The following NKAIN2 variants were observed in gnomAD, a reference collection of about 807,000 sequenced individuals.
NKAIN2 encodes sodium/potassium transporting ATPase interacting 2, also known as sodium/potassium-transporting ATPase subunit beta-1-interacting protein 2.
NKAIN2 carries 14 observed loss-of-function variants against 32.6 expected under a neutral mutation model. The observed-to-expected ratio is 0.43, with a 90% CI of 0.28 to 0.67. The LOEUF (loss-of-function observed/expected upper bound fraction) is 0.67. Ranked by LOEUF, NKAIN2 falls within the 30% of genes least tolerant of loss-of-function variation. NKAIN2 has a pLI of 0.17. For missense variants in NKAIN2, 198 were observed against 258.3 expected, an observed-to-expected ratio of 0.77 and a Z score of 1.60; for synonymous variants, 80 against 87.2, an observed-to-expected ratio of 0.92 and a Z score of 0.46.
chr6:124,450,811 C>T (rs529018795), intron 3 of NKAIN2, among the ~76,000 whole-genome samples: 2 of 152,026 alleles, frequency 1.3e-5, no homozygotes, highest in South Asian at 4.1e-4. Context: ...CAAATAACTA[C>T]ATTTCCACTC....
At chr6:124,135,714 A>C (rs2114294287) in intron 1 of NKAIN2, among the ~76,000 whole-genome samples, 1 of 152,216 alleles carries the variant, frequency 6.6e-6, no homozygotes, top group East Asian at 1.9e-4. Flanking sequence ...ACCGTAAATT[A>C]ACTCCAAAAG....
chr6:124,497,845 A>AAAG (rs1778124298), intron 3 of NKAIN2, among the ~76,000 whole-genome samples: 1 of 148,834 alleles, frequency 6.7e-6, no homozygotes, highest in African/African-American at 2.5e-5. Flanking sequence ...AAAAAAAAAA[A>AAAG]GACAAAAAGA....
intron 5 of NKAIN2, among the ~76,000 whole-genome samples, chr6:124,801,054 G>A (rs927557619): frequency 5.9e-5 from 9 of 152,110 alleles, no homozygotes; most frequent in Admixed American, 5.9e-4. Flanking sequence ...CGGAACAGGG[G>A]ACAGTATTTC....
At chr6:124,605,100 C>T (rs921135164) in intron 3 of NKAIN2, among the ~76,000 whole-genome samples, 2 of 152,006 alleles carry the variant, frequency 1.3e-5, no homozygotes, top group African/African-American at 4.8e-5. Flanking sequence ...CTCTGTGTGG[C>T]TTTGTAACAA....
At chr6:124,006,220 A>G (rs1022371863) in intron 1 of NKAIN2, among the ~76,000 whole-genome samples, 89 of 152,328 alleles carry the variant, frequency 5.8e-4, no homozygotes, top group African/African-American at 2.0e-3. Context: ...ACACAGGAAC[A>G]TATATCCTAA....
chr6:123,933,345 C>T (rs1776349288), intron 1 of NKAIN2, among the ~76,000 whole-genome samples: 1 of 152,040 alleles, frequency 6.6e-6, no homozygotes, highest in African/African-American at 2.4e-5. Flanking sequence ...GCAAATAAGA[C>T]CATTTAACTT....
At position 123,876,184 on chromosome 6, in the gene NKAIN2, C is replaced by T. The variant is rs1452223447; in HGVS notation, c.54+71930C>T. Among the ~76,000 whole-genome samples, 3 of 152,210 alleles carry T rather than the reference C, an allele frequency of 2.0e-5. No individual in the cohort carries two copies. The East Asian group carries it at 5.8e-4, about 29-fold the overall frequency. On this transcript the variant is annotated intron_variant, in intron 1 of 6. Coordinates refer to ENST00000368417, the MANE Select transcript of NKAIN2 (RefSeq NM_001040214.3). The stretch of plus-strand genomic sequence containing the variant: ...TGCTATAGTCTCAGAAGTCTGTCTG[C>T]TCATACATATCTGCAACCGAAAAAT...
intron 1 of NKAIN2, among the ~76,000 whole-genome samples, chr6:124,051,000 C>A (rs1177166438): frequency 6.6e-6 from 1 of 152,050 alleles, no homozygotes; most frequent in Admixed American, 6.6e-5. Context: ...ATCAAGGATA[C>A]ACCTTTGAAG....
chr6:124,122,008 G>A, intron 1 of NKAIN2: 1 of 423,734 alleles, frequency 2.4e-6, no homozygotes, highest in South Asian at 2.7e-5. Context: ...AAGAACTCAT[G>A]ACCATACATC....
intron 1 of NKAIN2, among the ~76,000 whole-genome samples, chr6:124,023,069 T>G (rs1008342062): frequency 6.7e-6 from 1 of 149,276 alleles, no homozygotes; most frequent in African/African-American, 2.5e-5. Context: ...TATGTATAAG[T>G]ATATATATAT....
chr6:124,080,650 C>G (rs1467113155), intron 1 of NKAIN2, among the ~76,000 whole-genome samples: 1 of 152,024 alleles, frequency 6.6e-6, no homozygotes, highest in African/African-American at 2.4e-5. Flanking sequence ...AGAAAATAAA[C>G]TGAGGATAAT....
intron 3 of NKAIN2, among the ~76,000 whole-genome samples, chr6:124,653,215 T>C (rs756438386): frequency 2.0e-5 from 3 of 151,950 alleles, no homozygotes; most frequent in Non-Finnish European, 4.4e-5. Flanking sequence ...AACGATAAAA[T>C]TTGAGGACCA....
chr6:123,841,487 A>G (rs1774866598), intron 1 of NKAIN2, among the ~76,000 whole-genome samples: 1 of 152,208 alleles, frequency 6.6e-6, no homozygotes, highest in African/African-American at 2.4e-5. Flanking sequence ...TAAGCAGACC[A>G]CTGCCCTTAT....
chr6:124,371,887 G>A (rs1799785271), intron 3 of NKAIN2, among the ~76,000 whole-genome samples: 1 of 151,806 alleles, frequency 6.6e-6, no homozygotes, highest in Non-Finnish European at 1.5e-5. Flanking sequence ...CCATTCTGTC[G>A]AGTATTGCAT....
intron 3 of NKAIN2, among the ~76,000 whole-genome samples, chr6:124,629,172 T>C (rs1783467209): frequency 6.6e-6 from 1 of 152,162 alleles, no homozygotes; most frequent in Non-Finnish European, 1.5e-5. Context: ...GAGTGAGAAA[T>C]AAGTACCTTT....
chr6:124,558,124 T>C (rs572520249), intron 3 of NKAIN2, among the ~76,000 whole-genome samples: 5 of 152,346 alleles, frequency 3.3e-5, no homozygotes, highest in African/African-American at 1.2e-4. Flanking sequence ...CAGTTTATGA[T>C]GGTGATAGCA....
chr6:124,109,282 A>C (rs925720538), intron 1 of NKAIN2, among the ~76,000 whole-genome samples: 1 of 151,778 alleles, frequency 6.6e-6, no homozygotes, highest in East Asian at 1.9e-4. Flanking sequence ...TTATTCTTAC[A>C]TATTTTATTC....
At chr6:124,513,305 G>T (rs1327694621) in intron 3 of NKAIN2, among the ~76,000 whole-genome samples, 1 of 151,974 alleles carries the variant, frequency 6.6e-6, no homozygotes, top group African/African-American at 2.4e-5. Context: ...AAAAAAGGCG[G>T]GTTCTCTTGA....
chr6:124,406,237 A>G (rs778191770), intron 3 of NKAIN2, among the ~76,000 whole-genome samples: 4 of 152,064 alleles, frequency 2.6e-5, no homozygotes, highest in African/African-American at 7.2e-5. Flanking sequence ...TGTCCTCCCC[A>G]TACCACCTGA....
Sources: allele counts gnomAD v4.1 joint callset (sites outside exome capture counted in the v4.1 genomes callset), GRCh38; gene constraint gnomAD v4.1.1; transcripts MANE v1.5; gene names NCBI Gene and HGNC (gene_info 2026-07-23, HGNC 2026-07-21).